Variants in COL12A1 observed in about 807,000 individuals in gnomAD.
COL12A1 encodes collagen alpha-1(XII) chain.
In COL12A1, 114 loss-of-function variants were observed where a neutral mutation model predicts 349.7. That is an observed-to-expected ratio of 0.33 (90% CI 0.28 to 0.38). The LOEUF (loss-of-function observed/expected upper bound fraction) is 0.38. COL12A1 is among the 10% of genes least tolerant of loss of function. The pLI is 1.00. For missense variants in COL12A1, 3,284 were observed against 3,756.9 expected, an observed-to-expected ratio of 0.87 and a Z score of 3.29; for synonymous variants, 1,369 against 1,329.0, an observed-to-expected ratio of 1.03 and a Z score of -0.66.
At chr6:75,182,446 G>C (rs552787521) in intron 10 of COL12A1, among the ~76,000 whole-genome samples, 39 of 152,010 alleles carry the variant, frequency 2.6e-4, no homozygotes, top group African/African-American at 9.4e-4. Flanking sequence ...CCACATATGA[G>C]TGAGAACATG....
At chr6:75,138,270 A>C (rs764354905) in intron 30 of COL12A1, 50 bp downstream of exon 30, 1 of 1,525,310 alleles carries the variant, frequency 6.6e-7, no homozygotes, top group African/African-American at 1.4e-5. Flanking sequence ...TCATTTATAC[A>C]TTCATTCATT....
intron 49 of COL12A1, among the ~76,000 whole-genome samples, chr6:75,115,066 T>C (rs1458755845): frequency 6.6e-6 from 1 of 152,078 alleles, no homozygotes; most frequent in Non-Finnish European, 1.5e-5. Flanking sequence ...CCTCTTAAAA[T>C]AAATTAGCTT....
At position 75,184,076 on chromosome 6, in the gene COL12A1, G is replaced by T. The variant is rs1769479921; in HGVS notation, c.1066C>A (p.Pro356Thr). ...TAGCCAGTCACTGGACTAGGAGATG[G>T]ATTCCAATTTAGCTTAACATATTTT... is the stretch of plus-strand genomic sequence containing the variant. ...SSKYVKLNWN[P>T]SPSPVTGYKV... is the part of the protein sequence containing the mutation. Residue 356 changes from proline to threonine, a missense_variant, in exon 9 of 66, where the codon CCA becomes ACA. Transcript: ENST00000322507. 2 of 1,614,146 alleles carry T rather than the reference G, an allele frequency of 1.2e-6. No individual in the cohort carries two copies. Among genetic ancestry groups the T allele is most frequent in the South Asian group, 1.1e-5 (1 of 91,084 alleles).
chr6:75,139,985 A>C (rs1243001723), intron 27 of COL12A1, among the ~76,000 whole-genome samples: 1 of 152,350 alleles, frequency 6.6e-6, no homozygotes, highest in South Asian at 2.1e-4. Context: ...GAAAAGGCCC[A>C]TTGAGATAAA....
Position 75,152,274 on chromosome 6 carries a change from G to A in COL12A1, c.3716-24C>T, listed in dbSNP as rs1292965767. 5 of 1,613,524 alleles carry A rather than the reference G, an allele frequency of 3.1e-6. No homozygotes were observed. The African/African-American group carries it at 5.3e-5, about 17-fold the overall frequency. ...AGCTAAAATGACACCACTGGCATTA[G>A]TGCATGTGAAAGAGAAAGATAAAAA... On this transcript the variant is annotated intron_variant, in intron 18 of 65. Transcript: ENST00000322507.
chr6:75,102,672 TC>T lies in COL12A1; in HGVS notation c.8339del (p.Gly2780GlufsTer3). 1.3e-6 allele frequency: 2 copies of T among 1,564,566 alleles called. No individual in the cohort carries two copies. Among genetic ancestry groups the T allele is most frequent in the Non-Finnish European group, 8.6e-7 (1 of 1,157,576 alleles). On this transcript the variant is annotated frameshift_variant, in exon 56 of 66. Coordinates refer to ENST00000322507, the MANE Select transcript of COL12A1 (RefSeq NM_004370.6). LOFTEE classifies it high-confidence loss of function. ...CCTGGGGGCCTGGAGGACCTATGTC[TC>T]CACGAGGACCAGGGGGCCCCTAAAA... ...SGAIGPPGPR[G>X]DIGPPGPQGP...
chr6:75,154,343 G>T (rs1767644505), intron 17 of COL12A1, 73 bp downstream of exon 17: 2 of 1,484,470 alleles, frequency 1.3e-6, no homozygotes, highest in Non-Finnish European at 1.8e-6. Context: ...TCCATTGTAT[G>T]ATACCCTAAC....
intron 36 of COL12A1, 21 bp from the exon 37 acceptor site, chr6:75,130,254 A>G (rs1766236755): frequency 6.2e-7 from 1 of 1,609,636 alleles, no homozygotes; most frequent in Admixed American, 1.7e-5. Context: ...AAAATACAAT[A>G]GAGTTTGTTG....
intron 3 of COL12A1, among the ~76,000 whole-genome samples, chr6:75,193,473 T>C (rs1420854512): frequency 6.6e-6 from 1 of 152,226 alleles, no homozygotes; most frequent in Non-Finnish European, 1.5e-5. Context: ...ACAGTTCTAG[T>C]AATAAGTTGT....
chr6:75,146,084 G>C lies in COL12A1; in HGVS notation c.4560+18C>G. ...AGTCTTGGGAAGACCCAATGTTAAA[G>C]AAACAAACATCTTTCACCTCTTTGG... On this transcript the variant is annotated intron_variant, in intron 24 of 65. Transcript: ENST00000322507. The C allele has an allele frequency of 6.4e-7, 1 of 1,573,858 alleles. No individual in the cohort carries two copies. The highest frequency in any genetic ancestry group is 8.6e-7 in the Non-Finnish European group (1 of 1,162,500).
intron 7 of COL12A1, 67 bp downstream of exon 7, chr6:75,189,150 A>C: frequency 6.7e-7 from 1 of 1,500,798 alleles, no homozygotes; most frequent in Non-Finnish European, 9.0e-7. Flanking sequence ...TCAATCTTTC[A>C]TCTTCCTAAA....
chr6:75,117,550 CAAAG>C lies in COL12A1; in HGVS notation c.7355-8_7355-5del. The C allele has an allele frequency of 6.2e-7, 1 of 1,610,800 alleles. No homozygotes were observed. Among genetic ancestry groups the C allele is most frequent in the Non-Finnish European group, 8.5e-7 (1 of 1,177,574 alleles). On this transcript the variant is annotated splice_polypyrimidine_tract_variant and splice_region_variant and intron_variant, in intron 46 of 65. Transcript: ENST00000322507. Reference sequence around the variant, plus strand: ...CCAACTACAAAGACACTGAACCCTGCAAAGTAGCATTTATAGAATGAATCACGTA... The same window carrying C: ...CCAACTACAAAGACACTGAACCCTGCTAGCATTTATAGAATGAATCACGTA...
chr6:75,186,729 A>G (rs1270969636), intron 8 of COL12A1, among the ~76,000 whole-genome samples: 3 of 152,206 alleles, frequency 2.0e-5, no homozygotes, highest in African/African-American at 7.2e-5. Context: ...AAACCCTATC[A>G]ATGATAGACT....
At chr6:75,180,715 G>T (rs1312949873) in intron 11 of COL12A1, among the ~76,000 whole-genome samples, 3 of 151,964 alleles carry the variant, frequency 2.0e-5, no homozygotes, top group African/African-American at 7.3e-5. Flanking sequence ...AGTTCTCTAG[G>T]TCTCCTAACT....
At position 75,165,547 on chromosome 6, in the gene COL12A1, A is replaced by G; in HGVS notation, c.2943T>C (p.Ser981=). 6.2e-7 allele frequency: 1 copy of G among 1,613,854 alleles called. No individual in the cohort carries two copies. Among genetic ancestry groups the G allele is most frequent in the Non-Finnish European group, 8.5e-7 (1 of 1,179,850 alleles). The part of the protein sequence containing the change: ...YRISVFATYS[S]GEGEPLTGDA... ...CTCCAGTCAAAGGTTCTCCTTCTCC[A>G]CTGCTGTAAGTGGCAAATACTGAAA... Residue 981 remains serine, a synonymous_variant, in exon 14 of 66, where the codon AGT becomes AGC. Coordinates refer to ENST00000322507, the MANE Select transcript of COL12A1 (RefSeq NM_004370.6).
At chr6:75,117,833 C>T in intron 46 of COL12A1, 1 of 292,790 alleles carries the variant, frequency 3.4e-6, no homozygotes, top group Non-Finnish European at 6.5e-6. Flanking sequence ...CACTGCCTTC[C>T]ACAGATCCAC....
At position 75,193,099 on chromosome 6, in the gene COL12A1, A is replaced by G. The variant is rs192158776; in HGVS notation, c.191-744T>C. ...ATAATTAGGAAAGATAACAGGTGCA[A>G]CAGACCACTGAAAAATGCTCTTGGT... On this transcript the variant is annotated intron_variant, in intron 3 of 65. Transcript: ENST00000322507. 7.9e-4 allele frequency among the ~76,000 whole-genome samples: 121 copies of G among 152,302 alleles called. No individual in the cohort carries two copies. The East Asian group carries it at 0.018, about 22-fold the overall frequency.
At chr6:75,196,813 G>A (rs537777021) in intron 2 of COL12A1, among the ~76,000 whole-genome samples, 4 of 152,264 alleles carry the variant, frequency 2.6e-5, no homozygotes, top group African/African-American at 7.2e-5. Context: ...CACCAACCTT[G>A]GAAGGAAAAT....
At chr6:75,089,422 A>G (rs1055294028) in intron 63 of COL12A1, among the ~76,000 whole-genome samples, 1 of 152,228 alleles carries the variant, frequency 6.6e-6, no homozygotes, top group East Asian at 1.9e-4. Context: ...AACATGTCTA[A>G]TATATTTTTA....
Sources: gnomAD v4.1 joint callset for allele counts (sites outside exome capture counted in the v4.1 genomes callset) on GRCh38, gnomAD v4.1.1 for gene constraint, MANE v1.5 for transcripts, NCBI Gene and HGNC (gene_info 2026-07-23, HGNC 2026-07-21) for gene names.